Variants in STAU2 observed in about 807,000 individuals in gnomAD.
The protein encoded by STAU2 is double-stranded RNA-binding protein Staufen homolog 2.
Under a neutral mutation model 65.9 loss-of-function variants are expected in STAU2, and 20 were observed. The ratio of observed to expected loss-of-function variants is 0.30; its 90% CI spans 0.21 to 0.44. The LOEUF (loss-of-function observed/expected upper bound fraction) is 0.44. Ranked by LOEUF, STAU2 falls within the 20% of genes least tolerant of loss-of-function variation. The pLI, the probability that STAU2 is intolerant of heterozygous loss-of-function variation, is 1.00. For synonymous variants in STAU2, 232 were observed against 233.9 expected, an observed-to-expected ratio of 0.99 and a Z score of 0.07; for missense variants, 558 against 683.9, an observed-to-expected ratio of 0.82 and a Z score of 2.05.
intron 13 of STAU2, among the ~76,000 whole-genome samples, chr8:73,448,710 T>A (rs1818616554): frequency 6.6e-6 from 1 of 152,256 alleles, no homozygotes; most frequent in Non-Finnish European, 1.5e-5. Flanking sequence ...ATGACCCACC[T>A]GGCCTTGAAC....
At chr8:73,727,600 T>C (rs1373866573) in intron 3 of STAU2, among the ~76,000 whole-genome samples, 1 of 152,252 alleles carries the variant, frequency 6.6e-6, no homozygotes, top group African/African-American at 2.4e-5. Flanking sequence ...CTGCAATTTG[T>C]TTACTCATTC....
chr8:73,421,359 G>C lies in STAU2; in HGVS notation c.*13C>G. The C allele has an allele frequency of 6.5e-7, 1 of 1,537,120 alleles. No homozygotes were observed. The highest frequency in any genetic ancestry group is 8.7e-7 in the Non-Finnish European group (1 of 1,146,808). On this transcript the variant is annotated 3_prime_UTR_variant, in exon 15 of 15. Transcript: ENST00000524300. ...TATAAGGATGCGGTGGCAGCCGCGG[G>C]TTCTGGGAGCTGCTAGACGGCCGAG...
chr8:73,562,357 G>A (rs1808292815), intron 12 of STAU2, among the ~76,000 whole-genome samples: 1 of 152,124 alleles, frequency 6.6e-6, no homozygotes, highest in Admixed American at 6.5e-5. Context: ...ATGGTGGCAT[G>A]CACCTGTAGT....
At position 73,728,961 on chromosome 8, in the gene STAU2, A is replaced by G. The variant is rs150604470; in HGVS notation, c.-18+9323T>C. 9.1e-4 allele frequency among the ~76,000 whole-genome samples: 138 copies of G among 152,300 alleles called. 1 individual carries two copies. The East Asian group carries it at 0.023, about 25-fold the overall frequency. On this transcript the variant is annotated intron_variant, in intron 3 of 14. Transcript: ENST00000524300. ...GGCTATAACTTCCACTACAACTTGAATAACTGGTGAGAATGGGTATCCGTG... is the reference window on the plus strand; with the variant it reads ...GGCTATAACTTCCACTACAACTTGAGTAACTGGTGAGAATGGGTATCCGTG...
intron 3 of STAU2, among the ~76,000 whole-genome samples, chr8:73,709,541 C>T (rs762421262): frequency 2.6e-5 from 4 of 151,776 alleles, no homozygotes; most frequent in Non-Finnish European, 4.4e-5. Context: ...CCTTCTTGAT[C>T]GTTTCATCTC....
intron 13 of STAU2, among the ~76,000 whole-genome samples, chr8:73,471,367 T>A (rs1820002500): frequency 6.6e-6 from 1 of 151,434 alleles, no homozygotes; most frequent in African/African-American, 2.4e-5. Flanking sequence ...ATTTTTTTTT[T>A]AGTAAAGATG....
chr8:73,709,010 C>A, intron 4 of STAU2, 22 bp downstream of exon 4: 1 of 1,491,648 alleles, frequency 6.7e-7, no homozygotes, highest in Non-Finnish European at 8.9e-7. Flanking sequence ...GTATGTCTCA[C>A]CACCTCTCTT....
At chr8:73,667,743 G>C (rs1318289890) in intron 6 of STAU2, among the ~76,000 whole-genome samples, 3 of 152,196 alleles carry the variant, frequency 2.0e-5, no homozygotes, top group Non-Finnish European at 2.9e-5. Context: ...ATGTGGCAAT[G>C]AGTAGGCATG....
At chr8:73,558,847 A>G (rs1236753161) in intron 12 of STAU2, among the ~76,000 whole-genome samples, 4 of 152,202 alleles carry the variant, frequency 2.6e-5, no homozygotes, top group Non-Finnish European at 5.9e-5. Flanking sequence ...GCCAGCTTGA[A>G]TTTACGCCTC....
chr8:73,465,532 T>A (rs973491028), intron 13 of STAU2, among the ~76,000 whole-genome samples: 2 of 152,226 alleles, frequency 1.3e-5, no homozygotes, highest in African/African-American at 4.8e-5. Flanking sequence ...GGTGGCTGCA[T>A]ATAATTTTTT....
At chr8:73,672,130 T>G (rs1817728526) in intron 6 of STAU2, 1 of 152,124 alleles carries the variant, frequency 6.6e-6, no homozygotes, top group Non-Finnish European at 1.5e-5. Flanking sequence ...ATACACAAAT[T>G]ATGATATATC....
chr8:73,716,470 G>C (rs1198233978), intron 3 of STAU2, among the ~76,000 whole-genome samples: 1 of 152,208 alleles, frequency 6.6e-6, no homozygotes, highest in Non-Finnish European at 1.5e-5. Flanking sequence ...CTGATTTAAA[G>C]CAGGCCATGT....
intron 13 of STAU2, among the ~76,000 whole-genome samples, chr8:73,530,733 A>C (rs1024024431): frequency 6.6e-6 from 1 of 152,170 alleles, no homozygotes; most frequent in African/African-American, 2.4e-5. Context: ...TAGGTAGTGT[A>C]CCTGAAAAAA....
intron 5 of STAU2, among the ~76,000 whole-genome samples, chr8:73,687,622 C>G (rs1433255156): frequency 6.6e-6 from 1 of 150,592 alleles, no homozygotes; most frequent in South Asian, 2.1e-4. Flanking sequence ...AGGCTGCTCT[C>G]AAATTCTTGG....
At chr8:73,736,074 C>T (rs567046561) in intron 3 of STAU2, among the ~76,000 whole-genome samples, 7 of 152,228 alleles carry the variant, frequency 4.6e-5, no homozygotes, top group East Asian at 1.9e-4. Context: ...GACAGCACTA[C>T]GATTTCTTTA....
Position 73,581,354 on chromosome 8 carries a change from C to T in STAU2, c.1222+1416G>A, listed in dbSNP as rs186827132. Among the ~76,000 whole-genome samples, 3 of 152,190 alleles carry T rather than the reference C, an allele frequency of 2.0e-5. No homozygotes were observed. The East Asian group carries it at 5.8e-4, about 29-fold the overall frequency. ...CAATAATAAGCTATATATTCTTGGTCACCATATGTATGCACAAACCATCTG... is the reference window on the plus strand; with the variant it reads ...CAATAATAAGCTATATATTCTTGGTTACCATATGTATGCACAAACCATCTG... On this transcript the variant is annotated intron_variant, in intron 12 of 14. Coordinates refer to ENST00000524300, the MANE Select transcript of STAU2 (RefSeq NM_001164380.2).
chr8:73,430,361 G>A (rs1817171555), intron 13 of STAU2, among the ~76,000 whole-genome samples: 1 of 152,160 alleles, frequency 6.6e-6, no homozygotes, highest in Non-Finnish European at 1.5e-5. Context: ...TGCCGACCAG[G>A]TACCCCTCTC....
chr8:73,617,476 A>G (rs1050476866), intron 6 of STAU2, 25 bp from the exon 7 acceptor site: 2 of 1,604,816 alleles, frequency 1.2e-6, no homozygotes, highest in Admixed American at 1.7e-5. Flanking sequence ...TAAAAACATT[A>G]AAGTTAGCTT....
chr8:73,577,441 TTA>T (rs369079649), intron 12 of STAU2, among the ~76,000 whole-genome samples: 18 of 145,080 alleles, frequency 1.2e-4, no homozygotes, highest in Non-Finnish European at 2.0e-4. Flanking sequence ...AAAAAAAAAA[TTA>T]TATATATATA....
Sources: allele counts gnomAD v4.1 joint callset (sites outside exome capture counted in the v4.1 genomes callset), GRCh38; gene constraint gnomAD v4.1.1; transcripts MANE v1.5; gene names NCBI Gene and HGNC (gene_info 2026-07-23, HGNC 2026-07-21).